The following SBF2 variants were observed in gnomAD, a reference collection of about 807,000 sequenced individuals.
SBF2 encodes the protein SET binding factor 2.
A neutral mutation model predicts 225.2 loss-of-function variants in SBF2; 112 were observed. The observed-to-expected ratio is 0.50, with a 90% CI of 0.43 to 0.58. The LOEUF (loss-of-function observed/expected upper bound fraction) is 0.58. Ranked by LOEUF, SBF2 falls within the 20% of genes least tolerant of loss-of-function variation. The probability of loss-of-function intolerance (pLI) is 0.00; values close to 1 mark genes in which losing one functional copy is unlikely to be tolerated. For synonymous variants in SBF2, 763 were observed against 773.3 expected (o/e 0.99, Z 0.22); for missense variants, 1,996 against 2,206.2 (o/e 0.90, Z 1.91).
intron 16 of SBF2, among the ~76,000 whole-genome samples, chr11:9,912,315 G>A (rs765643614): frequency 6.1e-5 from 9 of 146,714 alleles, no homozygotes; most frequent in South Asian, 2.2e-4. Flanking sequence ...AGCTGGGTGC[G>A]GTGGCTCACG....
In SBF2 at chr11:9,839,652, A is replaced by T. The variant is rs1445416739; in HGVS notation, c.3301T>A (p.Ser1101Thr). The change falls in exon 26 of 40, where the codon TCC becomes ACC. Residue 1101 changes from serine (S) to threonine (T), a missense_variant. By Grantham distance (58) the Ser-to-Thr change is moderately conservative. Coordinates refer to ENST00000256190, the MANE Select transcript of SBF2 (RefSeq NM_030962.4). ...AACTGTTCCATTGTAGACTTCTCGGAGGCCTTCAGGGTGGTACTTGTGGGG... is the reference window on the plus strand; with the variant it reads ...AACTGTTCCATTGTAGACTTCTCGGTGGCCTTCAGGGTGGTACTTGTGGGG... ...ELPTSTTLKA[S>T]EKSTMEQLVE... is the part of the protein sequence containing the mutation. 5 of 1,614,180 alleles carry T rather than the reference A, an allele frequency of 3.1e-6. No homozygotes were observed. Among genetic ancestry groups the T allele is most frequent in the African/African-American group, 1.3e-5 (1 of 75,052 alleles).
chr11:10,187,574 C>A (rs74839715), intron 2 of SBF2, among the ~76,000 whole-genome samples: 50 of 152,160 alleles, frequency 3.3e-4, no homozygotes, highest in East Asian at 9.7e-4. Context: ...CCTCTTCCCC[C>A]CAATGAGCTT....
chr11:9,817,742 C>CAAAAA (rs1161708572), intron 28 of SBF2, among the ~76,000 whole-genome samples: 4 of 57,316 alleles, frequency 7.0e-5, no homozygotes, highest in Admixed American at 1.9e-4. Flanking sequence ...CCGTCTCTAC[C>CAAAAA]AAAAAAAAAA....
chr11:10,290,418 G>T (rs1591375177), intron 1 of SBF2, among the ~76,000 whole-genome samples: 3 of 152,108 alleles, frequency 2.0e-5, no homozygotes, highest in Non-Finnish European at 2.9e-5. Flanking sequence ...GAGTCTGAGT[G>T]GGGTACGAAG....
intron 16 of SBF2, among the ~76,000 whole-genome samples, chr11:9,912,820 T>C (rs1469694785): frequency 6.6e-6 from 1 of 152,236 alleles, no homozygotes; most frequent in Non-Finnish European, 1.5e-5. Flanking sequence ...TAAAAATTTA[T>C]AAAATGGCAT....
At chr11:9,983,076 G>T (rs1200763758) in intron 13 of SBF2, among the ~76,000 whole-genome samples, 1 of 152,162 alleles carries the variant, frequency 6.6e-6, no homozygotes, top group Non-Finnish European at 1.5e-5. Context: ...GAAGCCCCGG[G>T]GGTGGTGGGG....
chr11:10,111,824 C>G (rs1463454099), intron 2 of SBF2, among the ~76,000 whole-genome samples: 1 of 152,210 alleles, frequency 6.6e-6, no homozygotes, highest in Non-Finnish European at 1.5e-5. Flanking sequence ...TTGCAGTGAG[C>G]TGAGTTCACA....
At chr11:9,798,757 T>A (rs1164814676) in intron 32 of SBF2, among the ~76,000 whole-genome samples, 1 of 152,066 alleles carries the variant, frequency 6.6e-6, no homozygotes, top group African/African-American at 2.4e-5. Context: ...CCATCCTGGT[T>A]AACATGGTGA....
chr11:10,135,120 C>T (rs148509106), intron 2 of SBF2, among the ~76,000 whole-genome samples: 2,003 of 152,338 alleles, frequency 0.013, 50 homozygotes, highest in African/African-American at 0.046. Context: ...CTCAACACCG[C>T]GTTGAAGTTG....
At chr11:9,911,398 A>ACT (rs1862606362) in intron 16 of SBF2, among the ~76,000 whole-genome samples, 2 of 150,868 alleles carry the variant, frequency 1.3e-5, no homozygotes, top group African/African-American at 4.9e-5. Context: ...AAAAAAAAAA[A>ACT]TTGAAAACAC....
At position 10,303,101 on chromosome 11, in the gene SBF2, A is replaced by T. The variant is rs550735827; in HGVS notation, n.386+1391T>A. Reference sequence around the variant, plus strand: ...AGGAAAAGGAAATGGGAGACAAGGGAGAAGAACAATAGTTAGGCTGGGGAG... The same window carrying T: ...AGGAAAAGGAAATGGGAGACAAGGGTGAAGAACAATAGTTAGGCTGGGGAG... On this transcript the variant is annotated intron_variant and non_coding_transcript_variant, in intron 1 of 5. Coordinates refer to the SBF2 transcript ENST00000685217. This position sits in a 1 kb window ranked among gnomAD's most constrained non-coding sequence, Gnocchi z 5.2. 2 of 152,532 alleles carry T rather than the reference A, an allele frequency of 1.3e-5. No homozygotes were observed. Among genetic ancestry groups the T allele is most frequent in the African/African-American group, 4.8e-5 (2 of 41,580 alleles). The allele number at this position is 152,532 out of a possible 1,614,324, so 9.4% of individuals were successfully genotyped here.
At chr11:9,936,763 G>C (rs556648758) in intron 16 of SBF2, among the ~76,000 whole-genome samples, 1 of 152,184 alleles carries the variant, frequency 6.6e-6, no homozygotes, top group Non-Finnish European at 1.5e-5. Flanking sequence ...GAGAACATTT[G>C]GACACAGGGC....
chr11:9,988,643 T>C (rs542312149), intron 13 of SBF2, among the ~76,000 whole-genome samples: 1 of 152,042 alleles, frequency 6.6e-6, no homozygotes, highest in South Asian at 2.1e-4. Context: ...CCAATAAACA[T>C]ATGAAAAAAT....
At chr11:9,983,347 G>A (rs529956458) in intron 13 of SBF2, among the ~76,000 whole-genome samples, 5 of 152,146 alleles carry the variant, frequency 3.3e-5, no homozygotes, top group Admixed American at 3.3e-4. Flanking sequence ...CTCAGCAGAG[G>A]GAGCCATAAT....
intron 2 of SBF2, among the ~76,000 whole-genome samples, chr11:10,141,066 A>G (rs1027364515): frequency 2.0e-5 from 3 of 152,232 alleles, no homozygotes; most frequent in Non-Finnish European, 4.4e-5. Flanking sequence ...AGATGCATAT[A>G]TCCTTACTGT....
At chr11:9,799,854 T>C (rs1853377934) in intron 32 of SBF2, among the ~76,000 whole-genome samples, 3 of 152,232 alleles carry the variant, frequency 2.0e-5, no homozygotes, top group African/African-American at 2.4e-5. Context: ...GATTTTAATT[T>C]GCATTTTCTA....
chr11:9,810,155 AAT>A (rs951381236), intron 30 of SBF2: 4 of 152,306 alleles, frequency 2.6e-5, no homozygotes, highest in African/African-American at 9.7e-5. Context: ...ATCTGCCTGT[AAT>A]CCCAGCTACT....
At chr11:9,833,693 T>G (rs1471778454) in intron 26 of SBF2, among the ~76,000 whole-genome samples, 3 of 152,030 alleles carry the variant, frequency 2.0e-5, no homozygotes, top group Admixed American at 1.3e-4. Context: ...GTGCTGGGAT[T>G]ACAGGCATGA....
chr11:10,132,271 A>T (rs1019448766), intron 2 of SBF2, among the ~76,000 whole-genome samples: 2 of 152,092 alleles, frequency 1.3e-5, no homozygotes, highest in Admixed American at 6.5e-5. Context: ...CCTGGTTCTA[A>T]CACAAAGCTC....
Sources: allele counts gnomAD v4.1 joint callset (sites outside exome capture counted in the v4.1 genomes callset), GRCh38; gene constraint gnomAD v4.1.1; non-coding constraint Gnocchi (gnomAD v3.1); transcripts MANE v1.5; gene names NCBI Gene and HGNC (gene_info 2026-07-23, HGNC 2026-07-21).